The following RND3 variants were observed in gnomAD, a reference collection of about 807,000 sequenced individuals.
The protein encoded by RND3 is rho-related GTP-binding protein RhoE.
Under a neutral mutation model 26.5 loss-of-function variants are expected in RND3, and 8 were observed. The ratio of observed to expected loss-of-function variants is 0.30; its 90% CI spans 0.18 to 0.54. The LOEUF (loss-of-function observed/expected upper bound fraction) is 0.54. Ranked by LOEUF, RND3 falls within the 20% of genes least tolerant of loss-of-function variation. The pLI is 0.94. For missense variants in RND3, 207 were observed against 302.8 expected, an observed-to-expected ratio of 0.68 and a Z score of 2.35; for synonymous variants, 113 against 113.0, an observed-to-expected ratio of 1.00 and a Z score of 0.00.
intron 3 of RND3, among the ~76,000 whole-genome samples, chr2:150,481,035 C>T (rs186882050): frequency 3.9e-5 from 6 of 152,298 alleles, no homozygotes; most frequent in Non-Finnish European, 8.8e-5. Context: ...TCTCCAAGAA[C>T]GTTAATTTAA....
In RND3 at chr2:150,486,863, T is replaced by A; in HGVS notation, c.151-82A>T. 1 of 936,092 alleles carries A rather than the reference T, an allele frequency of 1.1e-6. No homozygotes were observed. The highest frequency in any genetic ancestry group is 1.3e-5 in the South Asian group (1 of 77,438). The allele number at this position is 936,092 out of a possible 1,614,324, so 58.0% of individuals were successfully genotyped here. A position where few individuals can be genotyped will look rare whatever the true frequency, so the allele number is the denominator to read the frequency against. ...AACGCACGACACCCATTGAACACCC[T>A]TCCCCTCCCCGCTCCCCAGTTAAGA... On this transcript the variant is annotated intron_variant, in intron 2 of 5. Coordinates refer to ENST00000263895, the MANE Select transcript of RND3 (RefSeq NM_005168.5). The surrounding 1 kb of genome is among the most constrained non-coding windows in gnomAD (Gnocchi z 4.5).
At chr2:150,476,895 G>T (rs773891521) in intron 3 of RND3, among the ~76,000 whole-genome samples, 6 of 152,160 alleles carry the variant, frequency 3.9e-5, no homozygotes, top group Admixed American at 1.3e-4. Flanking sequence ...TTAGTTCTAA[G>T]AAGTTCACAC....
rs1290739112 is a variant in RND3 at position 150,469,712 on chromosome 2, C to G, written c.*275G>C. 2 of 383,578 alleles carry G rather than the reference C, an allele frequency of 5.2e-6. No homozygotes were observed. The highest frequency in any genetic ancestry group is 8.5e-5 in the Admixed American group (2 of 23,572). The allele number at this position is 383,578 out of a possible 1,614,324, so 23.8% of individuals were successfully genotyped here. On this transcript the variant is annotated 3_prime_UTR_variant, in exon 6 of 6. Coordinates refer to ENST00000263895, the MANE Select transcript of RND3 (RefSeq NM_005168.5). ...TTTTTCTTCTTGGAGGTACTCGCAT[C>G]CCCCCTCATCTTCCTCTAGCTCATT...
intron 3 of RND3, among the ~76,000 whole-genome samples, chr2:150,480,624 C>T (rs2105221264): frequency 6.7e-6 from 1 of 149,736 alleles, no homozygotes; most frequent in South Asian, 2.1e-4. Context: ...AGCAAGAAAC[C>T]AGATTGGAAA....
rs752844515 is a variant in RND3, at chr2:150,478,578, G to GAAAAAAAAAAAA, written c.239-3595_239-3594insTTTTTTTTTTTT. On this transcript the variant is annotated intron_variant, in intron 3 of 5. Transcript: ENST00000263895. ...TTACAACACCCTGTGAAGCCAAACG[G>GAAAAAAAAAAAA]CAAAAAAAAAAAAAAAAAATTAACT... Among the ~76,000 whole-genome samples, 122 of 74,088 alleles carry GAAAAAAAAAAAA rather than the reference G, an allele frequency of 1.6e-3. 2 individuals carry two copies. The highest frequency in any genetic ancestry group is 1.9e-3 in the Non-Finnish European group (77 of 39,506). The allele number at this position is 74,088 out of a possible 152,430, so 48.6% of individuals were successfully genotyped here.
intron 3 of RND3, among the ~76,000 whole-genome samples, chr2:150,478,578 G>GAAAAAAAAAAAAAA (rs752844515): frequency 1.6e-4 from 12 of 74,166 alleles, no homozygotes; most frequent in Non-Finnish European, 2.0e-4. Context: ...AAGCCAAACG[G>GAAAAAAAAAAAAAA]CAAAAAAAAA....
chr2:150,475,591 G>A (rs1340154771), intron 3 of RND3, among the ~76,000 whole-genome samples: 1 of 152,222 alleles, frequency 6.6e-6, no homozygotes, highest in East Asian at 1.9e-4. Flanking sequence ...AGGGGTGAAT[G>A]AGGGAGAGAG....
At chr2:150,480,181 TA>T (rs1286596788) in intron 3 of RND3, among the ~76,000 whole-genome samples, 1 of 152,206 alleles carries the variant, frequency 6.6e-6, no homozygotes, top group Non-Finnish European at 1.5e-5. Flanking sequence ...TAAATAGGGA[TA>T]ATGGATTCAA....
intron 4 of RND3, 96 bp downstream of exon 4, chr2:150,474,779 G>C (rs59994976): frequency 1.1e-5 from 7 of 626,080 alleles, no homozygotes; most frequent in Admixed American, 2.7e-5. Context: ...TGTAAGGCAG[G>C]GAATTGATTA....
intron 3 of RND3, among the ~76,000 whole-genome samples, chr2:150,482,882 G>A (rs1686299102): frequency 6.6e-6 from 1 of 152,108 alleles, no homozygotes; most frequent in African/African-American, 2.4e-5. Flanking sequence ...ATCATGAGTT[G>A]TTAATGAAAT....
At chr2:150,478,913 T>C (rs1253438279) in intron 3 of RND3, among the ~76,000 whole-genome samples, 1 of 152,186 alleles carries the variant, frequency 6.6e-6, no homozygotes, top group African/African-American at 2.4e-5. Flanking sequence ...TATGAAACTT[T>C]TAAGCTCGCA....
Position 150,469,975 on chromosome 2 carries a change from A to G in RND3, c.*12T>C, listed in dbSNP as rs1212276186. On this transcript the variant is annotated 3_prime_UTR_variant, in exon 6 of 6. Coordinates refer to ENST00000263895, the MANE Select transcript of RND3 (RefSeq NM_005168.5). ...CTAGATTCCTTTGTCTTCATTAAAG[A>G]TAATGAAAGATTCACATCACAGTGC... is the stretch of plus-strand genomic sequence containing the variant. 2.5e-6 allele frequency: 4 copies of G among 1,611,704 alleles called. No homozygotes were observed. The highest frequency in any genetic ancestry group is 3.4e-6 in the Non-Finnish European group (4 of 1,178,392).
rs939070849 is a variant in RND3, at chr2:150,469,957, C to A, written c.*30G>T. ...TTGCTGTTGTTTTTTACACTAGATT[C>A]CTTTGTCTTCATTAAAGATAATGAA... On this transcript the variant is annotated 3_prime_UTR_variant, in exon 6 of 6. Transcript: ENST00000263895. 6.2e-6 allele frequency: 10 copies of A among 1,609,380 alleles called. No homozygotes were observed. The highest frequency in any genetic ancestry group is 8.5e-6 in the Non-Finnish European group (10 of 1,176,928).
rs1686048856 is a variant in RND3, at chr2:150,469,657, C to T, written c.*330G>A. The T allele has an allele frequency of 5.6e-6, 1 of 179,402 alleles. No individual in the cohort carries two copies. The highest frequency in any genetic ancestry group is 2.8e-5 in the African/African-American group (1 of 36,246). The allele number at this position is 179,402 out of a possible 1,614,324, so 11.1% of individuals were successfully genotyped here. A position where few individuals can be genotyped will look rare whatever the true frequency, so the allele number is the denominator to read the frequency against. On this transcript the variant is annotated 3_prime_UTR_variant, in exon 6 of 6. Transcript: ENST00000263895. ...ATAGATTATAACAAAAAAAAAAAAC[C>T]CAAAAATGCAAGCACCATTCAGAGT... is the stretch of plus-strand genomic sequence containing the variant.
chr2:150,475,403 T>C (rs764060508), intron 3 of RND3, among the ~76,000 whole-genome samples: 1 of 152,190 alleles, frequency 6.6e-6, no homozygotes, highest in African/African-American at 2.4e-5. Flanking sequence ...ACAACATACA[T>C]ACCTGAGATT....
chr2:150,480,656 TA>T (rs35180203), intron 3 of RND3, among the ~76,000 whole-genome samples: 92 of 148,162 alleles, frequency 6.2e-4, no homozygotes, highest in African/African-American at 8.7e-4. Context: ...TAAATGCGGC[TA>T]AAAAAAAAAA....
At chr2:150,482,805 A>T (rs1686298174) in intron 3 of RND3, among the ~76,000 whole-genome samples, 1 of 152,132 alleles carries the variant, frequency 6.6e-6, no homozygotes, top group Admixed American at 6.5e-5. Context: ...GATGTCTGAC[A>T]AAGGAAAAAC....
At position 150,487,354 on chromosome 2, in the gene RND3, C is replaced by T. The variant is rs747961527; in HGVS notation, c.64G>A (p.Val22Met). ...SKSIMDPNQNVKCKIVVVGDS... is the reference protein window; with the variant it reads ...SKSIMDPNQNMKCKIVVVGDS... Reference sequence around the variant, plus strand: ...CCCACCACAACTATCTTGCATTTCACGTTCTGATTAGGATCCATGATAGAT... The same window carrying T: ...CCCACCACAACTATCTTGCATTTCATGTTCTGATTAGGATCCATGATAGAT... Residue 22 changes from valine to methionine, a missense_variant, in exon 2 of 6, where the codon GTG (valine) becomes ATG (methionine). Physicochemically the swap from Val to Met is conservative, Grantham distance 21. Coordinates refer to ENST00000263895, the MANE Select transcript of RND3 (RefSeq NM_005168.5). 1.2e-6 allele frequency: 2 copies of T among 1,604,620 alleles called. No individual in the cohort carries two copies. The highest frequency in any genetic ancestry group is 1.7e-4 in the Middle Eastern group (1 of 6,020).
At chr2:150,485,974 T>C (rs1181309886) in intron 3 of RND3, among the ~76,000 whole-genome samples, 1 of 151,650 alleles carries the variant, frequency 6.6e-6, no homozygotes, top group East Asian at 2.0e-4. Context: ...GAGTGGGGGA[T>C]GCAATAGAGG....
Sources: gnomAD v4.1 joint callset for allele counts (sites outside exome capture counted in the v4.1 genomes callset) on GRCh38, gnomAD v4.1.1 for gene constraint, Gnocchi (gnomAD v3.1) non-coding constraint, MANE v1.5 for transcripts, NCBI Gene and HGNC (gene_info 2026-07-23, HGNC 2026-07-21) for gene names.